The following NPIPA5 variants were observed in gnomAD, a reference collection of about 807,000 sequenced individuals.
NPIPA5 encodes nuclear pore complex-interacting protein family member A5.
Under a neutral mutation model 21.4 loss-of-function variants are expected in NPIPA5, and 6 were observed. The observed-to-expected ratio is 0.28, with a 90% CI of 0.15 to 0.55. The LOEUF is 0.55. Ranked by LOEUF, NPIPA5 falls within the 20% of genes least tolerant of loss-of-function variation. NPIPA5 has a pLI of 0.93. For missense variants in NPIPA5, 99 were observed against 318.2 expected, an observed-to-expected ratio of 0.31 and a Z score of 5.24; for synonymous variants, 33 against 115.3, an observed-to-expected ratio of 0.29 and a Z score of 4.57.
Position 15,363,890 on chromosome 16 carries a change from A to C in NPIPA5, c.822T>G (p.Leu274=). The C allele has an allele frequency of 6.2e-7, 1 of 1,604,046 alleles. No individual in the cohort carries two copies. Among genetic ancestry groups the C allele is most frequent in the Middle Eastern group, 1.9e-4 (1 of 5,362 alleles). Residue 274 remains leucine (L), a synonymous_variant, in exon 8 of 8, where the codon CTT becomes CTG. Coordinates refer to ENST00000360151, the MANE Select transcript of NPIPA5 (RefSeq NM_001277325.2). The part of the protein sequence containing the change: ...KTPSERLLYP[L]PPSADDNLKT... ...TGAGATTATCATCCGCTGAGGGTGG[A>C]AGGGGATAGAGCAGACGCTCGGAAG...
chr16:15,374,444 C>T (rs1034692155), intron 1 of NPIPA5, among the ~76,000 whole-genome samples: 3 of 151,746 alleles, frequency 2.0e-5, no homozygotes, highest in African/African-American at 7.3e-5. Flanking sequence ...GATCTGCCTG[C>T]CTCGGCCTCC....
upstream of NPIPA5, among the ~76,000 whole-genome samples, chr16:15,379,969 ATG>A (rs1016533368): frequency 2.6e-4 from 39 of 149,138 alleles, no homozygotes; most frequent in Non-Finnish European, 4.3e-4. Flanking sequence ...ATATATATAT[ATG>A]TGTGTGTGTG....
At chr16:15,374,045 G>A (rs1247421925) in intron 1 of NPIPA5, among the ~76,000 whole-genome samples, 1 of 117,590 alleles carries the variant, frequency 8.5e-6, no homozygotes. Flanking sequence ...GTGTTTTTAG[G>A]CATTGCAAAT....
chr16:15,369,347 T>G (rs998507606), intron 4 of NPIPA5, among the ~76,000 whole-genome samples: 31 of 149,308 alleles, frequency 2.1e-4, no homozygotes, highest in Non-Finnish European at 3.4e-4. Flanking sequence ...TCCCAGCTAC[T>G]TGGGAGGCTG....
intron 1 of NPIPA5, among the ~76,000 whole-genome samples, chr16:15,376,782 G>A (rs1404453540): frequency 6.6e-6 from 1 of 151,342 alleles, no homozygotes. Flanking sequence ...AGGCGTGGTG[G>A]CCTACTAAAA....
chr16:15,376,679 G>T (rs925546999), intron 1 of NPIPA5, among the ~76,000 whole-genome samples: 2 of 152,220 alleles, frequency 1.3e-5, no homozygotes, highest in Non-Finnish European at 2.9e-5. Flanking sequence ...AGCACTGGGA[G>T]GCTGAGGCAG....
Position 15,369,226 on chromosome 16 carries a change from C to T in NPIPA5, c.437+486G>A, listed in dbSNP as rs1360402550. On this transcript the variant is annotated intron_variant, in intron 4 of 7. Coordinates refer to ENST00000360151, the MANE Select transcript of NPIPA5 (RefSeq NM_001277325.2). Reference sequence around the variant, plus strand: ...ATCCCAGCACTTTGGGAGGCTGAGGCGGGTGGATTACCTGAGGTCAGAAGT... The same window carrying T: ...ATCCCAGCACTTTGGGAGGCTGAGGTGGGTGGATTACCTGAGGTCAGAAGT... Among the ~76,000 whole-genome samples the T allele has an allele frequency of 3.1e-4, 45 of 147,160 alleles. 1 individual carries two copies. Among genetic ancestry groups the T allele is most frequent in the African/African-American group, 9.9e-4 (40 of 40,504 alleles).
At position 15,365,597 on chromosome 16, in the gene NPIPA5, CCCG is replaced by C; in HGVS notation, c.580_582del (p.Arg194del). On this transcript the variant is annotated inframe_deletion, in exon 6 of 8. Transcript: ENST00000360151. The stretch of plus-strand genomic sequence containing the variant: ...ACTTTGCATCTGTAGTAGTCCTCTG[CCCG>C]CCGCCGCAACGCTTGCGCACGTTGA... 2.4e-6 allele frequency: 1 copy of C among 420,602 alleles called. No homozygotes were observed. Among genetic ancestry groups the C allele is most frequent in the Non-Finnish European group, 4.0e-6 (1 of 251,102 alleles). The allele number at this position is 420,602 out of a possible 1,614,324, so 26.1% of individuals were successfully genotyped here. A position where few individuals can be genotyped will look rare whatever the true frequency, so the allele number is the denominator to read the frequency against.
intron 4 of NPIPA5, among the ~76,000 whole-genome samples, chr16:15,366,988 A>G (rs2049993362): frequency 6.6e-6 from 1 of 151,984 alleles, no homozygotes; most frequent in Non-Finnish European, 1.5e-5. Context: ...GCTCATCTTC[A>G]TAGTTCCATA....
At chr16:15,371,529 C>T (rs535546430) in intron 2 of NPIPA5, among the ~76,000 whole-genome samples, 4 of 147,124 alleles carry the variant, frequency 2.7e-5, no homozygotes, top group South Asian at 2.2e-4. Context: ...TTTCTTGAGA[C>T]GGAGTGTCAG....
At chr16:15,381,085 C>T (rs1001870822), upstream of NPIPA5, 10 of 1,538,026 alleles carry the variant, frequency 6.5e-6, no homozygotes, top group Admixed American at 2.0e-4. Flanking sequence ...TGAGTGCCAA[C>T]CTATTAGACA....
chr16:15,379,217 A>T (rs2050378871), upstream of NPIPA5, among the ~76,000 whole-genome samples: 1 of 152,222 alleles, frequency 6.6e-6, no homozygotes, highest in African/African-American at 2.4e-5. Flanking sequence ...GATGCTACAA[A>T]TGGAAAGCCA....
chr16:15,375,542 G>T (rs979401430), intron 1 of NPIPA5, among the ~76,000 whole-genome samples: 13 of 150,866 alleles, frequency 8.6e-5, no homozygotes, highest in African/African-American at 3.1e-4. Context: ...AGGAGATTGA[G>T]ACCATCCTAG....
intron 1 of NPIPA5, among the ~76,000 whole-genome samples, chr16:15,375,803 A>T (rs533427469): frequency 0.015 from 2,211 of 151,358 alleles, 27 homozygotes; most frequent in Non-Finnish European, 0.026. Flanking sequence ...ATAGTGTGGG[A>T]TTTCTCTAAG....
intron 2 of NPIPA5, among the ~76,000 whole-genome samples, chr16:15,371,442 A>G (rs568237473): frequency 1.3e-5 from 2 of 149,036 alleles, no homozygotes; most frequent in African/African-American, 2.4e-5. Context: ...CATCATAGCT[A>G]AAATGCAACG....
chr16:15,381,134 G>C, upstream of NPIPA5: 1 of 1,526,904 alleles, frequency 6.5e-7, no homozygotes, highest in Non-Finnish European at 8.8e-7. Flanking sequence ...GGAAAAACAA[G>C]GTGATGTTTG....
chr16:15,380,439 C>T (rs1376025664), upstream of NPIPA5, among the ~76,000 whole-genome samples: 1 of 151,914 alleles, frequency 6.6e-6, no homozygotes, highest in Non-Finnish European at 1.5e-5. Flanking sequence ...TCTCCTGTCT[C>T]AGCCTCCTGA....
intron 4 of NPIPA5, 45 bp from the exon 5 acceptor site, chr16:15,366,805 G>A: frequency 1.3e-6 from 2 of 1,501,746 alleles, no homozygotes; most frequent in South Asian, 1.3e-5. Context: ...CAGCCCGTGT[G>A]GGATTCCCTC....
chr16:15,377,522 G>A (rs776634512), intron 1 of NPIPA5, among the ~76,000 whole-genome samples: 6 of 143,476 alleles, frequency 4.2e-5, no homozygotes, highest in Admixed American at 7.6e-5. Context: ...GCACCCGCAT[G>A]TCCTGGTCCT....
Sources: allele counts gnomAD v4.1 joint callset (sites outside exome capture counted in the v4.1 genomes callset), GRCh38; gene constraint gnomAD v4.1.1; transcripts MANE v1.5; gene names NCBI Gene and HGNC (gene_info 2026-07-23, HGNC 2026-07-21).